FBN1: variants seen among roughly 807,000 people sequenced by gnomAD.
FBN1 encodes the protein fibrillin-1.
A neutral mutation model predicts 365.1 loss-of-function variants in FBN1; 29 were observed. The observed-to-expected ratio is 0.08, with a 90% CI of 0.06 to 0.11. The LOEUF (loss-of-function observed/expected upper bound fraction) is 0.11. Ranked by LOEUF, FBN1 falls within the 10% of genes least tolerant of loss-of-function variation. FBN1 has a pLI of 1.00. For missense variants in FBN1, 2,476 were observed against 3,703.2 expected (o/e 0.67, Z 8.60); for synonymous variants, 1,210 against 1,270.5 (o/e 0.95, Z 1.01).
intron 6 of FBN1, among the ~76,000 whole-genome samples, chr15:48,558,202 C>T (rs1597604116): frequency 6.6e-6 from 1 of 152,192 alleles, no homozygotes; most frequent in Admixed American, 6.5e-5. Flanking sequence ...ACCTTTGTTT[C>T]CTTCAGCCAT....
intron 34 of FBN1, among the ~76,000 whole-genome samples, chr15:48,473,580 T>G (rs2099092773): frequency 6.6e-6 from 1 of 152,220 alleles, no homozygotes. Context: ...CATTAATATA[T>G]TATTGCAAAA....
At chr15:48,542,583 C>T (rs1052919233) in intron 6 of FBN1, among the ~76,000 whole-genome samples, 23 of 152,144 alleles carry the variant, frequency 1.5e-4, no homozygotes, top group African/African-American at 5.6e-4. Flanking sequence ...GTTACTTCTT[C>T]TTACTGCAAT....
At chr15:48,496,826 A>C (rs1780438248) in intron 19 of FBN1, among the ~76,000 whole-genome samples, 1 of 152,208 alleles carries the variant, frequency 6.6e-6, no homozygotes, top group South Asian at 2.1e-4. Context: ...GTCTGAAGCA[A>C]AACCCAACTT....
At chr15:48,570,503 C>G (rs2044298861) in intron 6 of FBN1, among the ~76,000 whole-genome samples, 1 of 150,896 alleles carries the variant, frequency 6.6e-6, no homozygotes, top group Non-Finnish European at 1.5e-5. Flanking sequence ...AAATGAGATA[C>G]TCACGTAACT....
intron 2 of FBN1, among the ~76,000 whole-genome samples, chr15:48,629,815 G>A (rs1027880542): frequency 1.3e-5 from 2 of 152,198 alleles, no homozygotes; most frequent in African/African-American, 4.8e-5. Flanking sequence ...ACCTGGCCTA[G>A]TCCATCCTGA....
intron 6 of FBN1, among the ~76,000 whole-genome samples, chr15:48,576,292 A>G (rs1355933786): frequency 1.1e-4 from 16 of 152,050 alleles, no homozygotes; most frequent in Admixed American, 1.0e-3. Context: ...CAACTCTTAC[A>G]TATTCTTTTA....
chr15:48,418,504 T>A (rs2042917529), intron 63 of FBN1, among the ~76,000 whole-genome samples: 1 of 152,240 alleles, frequency 6.6e-6, no homozygotes, highest in African/African-American at 2.4e-5. Context: ...GTGTTTACAG[T>A]TTGAAAACAG....
chr15:48,503,967 C>T, intron 16 of FBN1, 28 bp from the exon 17 acceptor site: 1 of 1,613,610 alleles, frequency 6.2e-7, no homozygotes, highest in South Asian at 1.1e-5. Context: ...TCTGTCATCA[C>T]ACTGTCACTT....
intron 20 of FBN1, 72 bp downstream of exon 20, chr15:48,496,028 A>G: frequency 6.3e-7 from 1 of 1,581,122 alleles, no homozygotes; most frequent in Non-Finnish European, 8.7e-7. Context: ...ACTCTAATTC[A>G]GTCTTATGGT....
At chr15:48,434,820 C>G in intron 53 of FBN1, 107 bp from the exon 54 acceptor site, 1 of 1,380,212 alleles carries the variant, frequency 7.2e-7, no homozygotes, top group South Asian at 1.2e-5. Context: ...TGTTTTGAGA[C>G]AGAGTCTCAC....
chr15:48,462,260 GTCA>G (rs1443469326), intron 42 of FBN1, among the ~76,000 whole-genome samples: 1 of 152,006 alleles, frequency 6.6e-6, no homozygotes, highest in Admixed American at 6.6e-5. Context: ...GGCAAATGAT[GTCA>G]TCATCATATA....
intron 6 of FBN1, among the ~76,000 whole-genome samples, chr15:48,587,449 C>T (rs573727659): frequency 6.6e-6 from 1 of 152,324 alleles, no homozygotes; most frequent in East Asian, 1.9e-4. Context: ...CGTGGAGAAG[C>T]TTGCAATAGG....
rs573789077 is a variant in FBN1, at chr15:48,572,260, T to C, written c.538+24023A>G. On this transcript the variant is annotated intron_variant, in intron 6 of 65. Coordinates refer to ENST00000316623, the MANE Select transcript of FBN1 (RefSeq NM_000138.5). ...GGTCTTTGAGAAAAATTCTGAACAT[T>C]ATAAATGAAGGATTCTCAATGCTGA... 2.0e-5 allele frequency among the ~76,000 whole-genome samples: 3 copies of C among 152,308 alleles called. No individual in the cohort carries two copies. In the South Asian group the frequency reaches 6.2e-4, roughly 32 times the overall value.
At chr15:48,624,203 G>A (rs1889827851) in intron 2 of FBN1, among the ~76,000 whole-genome samples, 1 of 152,124 alleles carries the variant, frequency 6.6e-6, no homozygotes, top group East Asian at 1.9e-4. Flanking sequence ...GAAGACCAGA[G>A]GCACAGATGT....
intron 49 of FBN1, among the ~76,000 whole-genome samples, chr15:48,442,203 G>T (rs529999075): frequency 6.6e-6 from 1 of 152,282 alleles, no homozygotes; most frequent in South Asian, 2.1e-4. Flanking sequence ...CTGCACCATT[G>T]TTCAGGAAGC....
chr15:48,619,163 T>A (rs907252947), intron 2 of FBN1, among the ~76,000 whole-genome samples: 4 of 152,112 alleles, frequency 2.6e-5, no homozygotes, highest in Admixed American at 2.6e-4. Context: ...ACCACTGCTG[T>A]AGACCCAAAG....
intron 4 of FBN1, among the ~76,000 whole-genome samples, chr15:48,609,266 A>G (rs943736232): frequency 6.6e-6 from 1 of 152,234 alleles, no homozygotes; most frequent in Non-Finnish European, 1.5e-5. Context: ...AAGGAAAACT[A>G]TGCTACACAT....
intron 2 of FBN1, among the ~76,000 whole-genome samples, chr15:48,614,531 C>G (rs139838818): frequency 3.1e-4 from 47 of 152,230 alleles, no homozygotes; most frequent in Middle Eastern, 6.8e-3. Flanking sequence ...AAATCTGGAA[C>G]ACCCTGCAGG....
chr15:48,567,721 T>C (rs1311343007), intron 6 of FBN1, among the ~76,000 whole-genome samples: 1 of 152,110 alleles, frequency 6.6e-6, no homozygotes, highest in Non-Finnish European at 1.5e-5. Context: ...CACATGATCA[T>C]CTCAATAGAT....
Sources: allele counts gnomAD v4.1 joint callset (sites outside exome capture counted in the v4.1 genomes callset), GRCh38; gene constraint gnomAD v4.1.1; transcripts MANE v1.5; gene names NCBI Gene and HGNC (gene_info 2026-07-23, HGNC 2026-07-21).